ZBTB20: variants seen among roughly 807,000 people sequenced by gnomAD.
ZBTB20 encodes the protein zinc finger and BTB domain containing 20, also known as zinc finger and BTB domain-containing protein 20.
Under a neutral mutation model 56.9 loss-of-function variants are expected in ZBTB20, and 9 were observed. The observed-to-expected ratio is 0.16, with a 90% confidence interval of 0.10 to 0.28. The LOEUF (loss-of-function observed/expected upper bound fraction) is 0.28, where lower values mean the gene tolerates loss of function less well. ZBTB20 is among the 10% of genes least tolerant of loss of function. The pLI is 1.00. For synonymous variants in ZBTB20, 417 were observed against 420.7 expected (o/e 0.99, Z 0.11); for missense variants, 655 against 1,003.0 (o/e 0.65, Z 4.69).
intron 4 of ZBTB20, among the ~76,000 whole-genome samples, chr3:114,818,639 T>C (rs1431565384): frequency 2.0e-5 from 3 of 152,020 alleles, no homozygotes; most frequent in East Asian, 1.9e-4. Context: ...CCATTCCTAA[T>C]AATCAAATAA....
chr3:115,119,325 C>G (rs939909302), intron 1 of ZBTB20, among the ~76,000 whole-genome samples: 4 of 152,060 alleles, frequency 2.6e-5, no homozygotes, highest in Non-Finnish European at 5.9e-5. Context: ...CCCTTTTGTA[C>G]TCATCACTAA....
chr3:115,004,207 C>T (rs1308156929), intron 2 of ZBTB20, among the ~76,000 whole-genome samples: 7 of 151,504 alleles, frequency 4.6e-5, no homozygotes, highest in Non-Finnish European at 1.0e-4. Context: ...TGCTACTGCC[C>T]AAAACTATCC....
At chr3:114,892,825 A>G (rs1379580964) in intron 4 of ZBTB20, among the ~76,000 whole-genome samples, 1 of 152,210 alleles carries the variant, frequency 6.6e-6, no homozygotes, top group East Asian at 1.9e-4. Flanking sequence ...TCTCTGAGAT[A>G]ATGACCTGCA....
At chr3:114,923,669 G>C (rs892444450) in intron 3 of ZBTB20, among the ~76,000 whole-genome samples, 9 of 151,992 alleles carry the variant, frequency 5.9e-5, no homozygotes, top group Non-Finnish European at 1.5e-5. Context: ...AGAGTTTTTG[G>C]ATATTGACAC....
intron 7 of ZBTB20, among the ~76,000 whole-genome samples, chr3:114,494,648 C>T (rs1316396065): frequency 2.0e-5 from 3 of 152,102 alleles, no homozygotes; most frequent in African/African-American, 4.8e-5. Context: ...TTTGTCCTTC[C>T]TTTTCTACTG....
At chr3:114,523,119 G>GA (rs1308959876) in intron 6 of ZBTB20, among the ~76,000 whole-genome samples, 4 of 152,068 alleles carry the variant, frequency 2.6e-5, no homozygotes, top group African/African-American at 4.8e-5. Flanking sequence ...TGTGAGGCAG[G>GA]AAAAAAATCA....
rs887053100 is a variant in ZBTB20, at chr3:115,093,433, T to C, written c.-702-22019A>G. 3.9e-5 allele frequency among the ~76,000 whole-genome samples: 6 copies of C among 152,170 alleles called. No individual in the cohort carries two copies. In the East Asian group the frequency reaches 9.6e-4, roughly 24 times the overall value. Reference sequence around the variant, plus strand: ...GCGAAAAAGCAAGTGGGGTAGGGAATAGGTGGATGTGTTGGTCAAAATTAC... The same window carrying C: ...GCGAAAAAGCAAGTGGGGTAGGGAACAGGTGGATGTGTTGGTCAAAATTAC... On this transcript the variant is annotated intron_variant, in intron 1 of 11. Transcript: ENST00000675478.
At chr3:114,734,402 C>T (rs186420735) in intron 5 of ZBTB20, among the ~76,000 whole-genome samples, 284 of 152,112 alleles carry the variant, frequency 1.9e-3, no homozygotes, top group African/African-American at 6.7e-3. Context: ...AAAACTGTTA[C>T]AATATGCAAC....
intron 3 of ZBTB20, among the ~76,000 whole-genome samples, chr3:114,921,532 A>T (rs1365781192): frequency 1.3e-5 from 2 of 152,050 alleles, no homozygotes; most frequent in Non-Finnish European, 1.5e-5. Flanking sequence ...TTCCTAACTC[A>T]TTTCAAGGCC....
chr3:114,833,901 A>C (rs2073986664), intron 4 of ZBTB20, among the ~76,000 whole-genome samples: 1 of 152,018 alleles, frequency 6.6e-6, no homozygotes, highest in South Asian at 2.1e-4. Flanking sequence ...GGAAAGGTTA[A>C]AATAAGTTGT....
At chr3:114,790,548 A>G (rs1282812965) in intron 5 of ZBTB20, among the ~76,000 whole-genome samples, 1 of 152,034 alleles carries the variant, frequency 6.6e-6, no homozygotes, top group Non-Finnish European at 1.5e-5. Context: ...ATCTGTCCAT[A>G]TCATATGATA....
At chr3:114,898,903 A>G (rs1201604397) in intron 4 of ZBTB20, among the ~76,000 whole-genome samples, 1 of 152,158 alleles carries the variant, frequency 6.6e-6, no homozygotes, top group Non-Finnish European at 1.5e-5. Context: ...GAGAAATTTG[A>G]GCCTACTGAA....
chr3:114,367,963 G>T (rs780620798), intron 10 of ZBTB20, among the ~76,000 whole-genome samples: 9 of 152,160 alleles, frequency 5.9e-5, no homozygotes, highest in Non-Finnish European at 1.2e-4. Context: ...TTCAGCCTCA[G>T]TCGTTCTCAG....
chr3:114,898,053 T>A (rs1219799448), intron 4 of ZBTB20, among the ~76,000 whole-genome samples: 1 of 152,140 alleles, frequency 6.6e-6, no homozygotes, highest in East Asian at 1.9e-4. Flanking sequence ...TAAACATGTA[T>A]ACAGTAAACA....
chr3:115,011,277 A>G (rs2079696203), intron 2 of ZBTB20, among the ~76,000 whole-genome samples: 1 of 151,928 alleles, frequency 6.6e-6, no homozygotes, highest in African/African-American at 2.4e-5. Context: ...CCCTAGAGAA[A>G]TATATCAATA....
chr3:115,005,656 A>C (rs933703514), intron 2 of ZBTB20, among the ~76,000 whole-genome samples: 1 of 151,812 alleles, frequency 6.6e-6, no homozygotes, highest in Non-Finnish European at 1.5e-5. Context: ...GTAACAATCA[A>C]GGTGATTCAG....
intron 5 of ZBTB20, among the ~76,000 whole-genome samples, chr3:114,704,967 G>A (rs574180932): frequency 1.8e-4 from 27 of 151,992 alleles, no homozygotes; most frequent in Non-Finnish European, 2.9e-4. Flanking sequence ...TCAGGGTCAG[G>A]CACTGTTCTA....
At chr3:114,981,484 C>T (rs1382691015) in intron 2 of ZBTB20, among the ~76,000 whole-genome samples, 2 of 152,032 alleles carry the variant, frequency 1.3e-5, no homozygotes, top group Non-Finnish European at 2.9e-5. Flanking sequence ...CAGCAATTTT[C>T]TTCCTATATT....
At chr3:114,368,629 C>T (rs541639707) in intron 10 of ZBTB20, among the ~76,000 whole-genome samples, 16 of 152,324 alleles carry the variant, frequency 1.1e-4, no homozygotes, top group South Asian at 4.1e-4. Flanking sequence ...CAGAACAACA[C>T]GCAGGAAAGA....
Sources: gnomAD v4.1 joint callset for allele counts (sites outside exome capture counted in the v4.1 genomes callset) on GRCh38, gnomAD v4.1.1 for gene constraint, MANE v1.5 for transcripts, NCBI Gene and HGNC (gene_info 2026-07-23, HGNC 2026-07-21) for gene names.